Variants in GLMN observed in about 807,000 individuals in gnomAD.
GLMN encodes glomulin.
A neutral mutation model predicts 87.8 loss-of-function variants in GLMN; 75 were observed. That is an observed-to-expected ratio of 0.85 (90% CI 0.71 to 1.04). GLMN has a LOEUF of 1.04. Ranked by LOEUF, GLMN falls within the 50% of genes least tolerant of loss-of-function variation. GLMN has a pLI of 0.00. For missense variants in GLMN, 588 were observed against 658.8 expected (o/e 0.89, Z 1.18); for synonymous variants, 206 against 221.6 (o/e 0.93, Z 0.63).
At position 92,263,821 on chromosome 1, in the gene GLMN, T is replaced by C. The variant is rs1176456818; in HGVS notation, c.1300-89A>G. The C allele has an allele frequency of 5.1e-6, 4 of 779,656 alleles. No individual in the cohort carries two copies. In the Admixed American group the frequency reaches 5.2e-5, roughly 10 times the overall value. 48.3% of individuals were successfully genotyped at this position (779,656 alleles called of 1,614,324 possible). On this transcript the variant is annotated intron_variant, in intron 14 of 18. Coordinates refer to ENST00000370360, the MANE Select transcript of GLMN (RefSeq NM_053274.3). ...ACCTTGACACTACAAAAATGAAGAATTGCACATTTAAAATACAGTTTTTAA... is the reference window on the plus strand; with the variant it reads ...ACCTTGACACTACAAAAATGAAGAACTGCACATTTAAAATACAGTTTTTAA...
chr1:92,362,360 C>G, the GLMN span, among the ~76,000 whole-genome samples: 1 of 152,142 alleles, frequency 6.6e-6, no homozygotes, highest in Non-Finnish European at 1.5e-5. Flanking sequence ...AATTCAAATG[C>G]TTCCATTTTA....
intron 7 of GLMN, among the ~76,000 whole-genome samples, chr1:92,284,997 C>A (rs373677423): frequency 1.3e-5 from 2 of 152,064 alleles, no homozygotes; most frequent in African/African-American, 4.8e-5. Flanking sequence ...GAAATAGGAA[C>A]GCTTTTACAC....
chr1:92,331,184 T>C, the GLMN span, among the ~76,000 whole-genome samples: 3 of 152,344 alleles, frequency 2.0e-5, no homozygotes, highest in South Asian at 6.2e-4. Context: ...TTGAAACTCA[T>C]ATCACTATGG....
chr1:92,349,545 A>T, the GLMN span, among the ~76,000 whole-genome samples: 1 of 152,192 alleles, frequency 6.6e-6, no homozygotes. Context: ...GAATTTTCAC[A>T]CCTTTATTCT....
chr1:92,345,925 T>G, the GLMN span: 4 of 1,569,320 alleles, frequency 2.5e-6, no homozygotes, highest in Non-Finnish European at 3.5e-6. Context: ...GTAAGTACTC[T>G]CTCAGATTTT....
chr1:92,333,112 C>T, the GLMN span: 1 of 338,598 alleles, frequency 3.0e-6, no homozygotes, highest in East Asian at 5.1e-5. Flanking sequence ...TTTACAAAAT[C>T]TTTTTGTTTA....
intron 16 of GLMN, among the ~76,000 whole-genome samples, chr1:92,249,016 T>C (rs1259525204): frequency 2.0e-5 from 3 of 152,090 alleles, no homozygotes; most frequent in Admixed American, 6.6e-5. Context: ...AGTGAAACAT[T>C]AGAATTAAAA....
At chr1:92,333,211 A>C in the GLMN span, 2 of 550,762 alleles carry the variant, frequency 3.6e-6, no homozygotes, top group Non-Finnish European at 6.5e-6. Context: ...GACTCAAAGA[A>C]GTTCACAACA....
the GLMN span, among the ~76,000 whole-genome samples, chr1:92,305,734 C>T: frequency 6.6e-6 from 1 of 151,932 alleles, no homozygotes; most frequent in African/African-American, 2.4e-5. Context: ...TGAAAAGATG[C>T]TAAATATTAT....
At chr1:92,331,076 T>C in the GLMN span, among the ~76,000 whole-genome samples, 1 of 152,226 alleles carries the variant, frequency 6.6e-6, no homozygotes, top group Non-Finnish European at 1.5e-5. Flanking sequence ...CTCACCTTAA[T>C]TGTGGATTGA....
At chr1:92,279,453 T>C (rs1647697108) in intron 7 of GLMN, among the ~76,000 whole-genome samples, 4 of 66,882 alleles carry the variant, frequency 6.0e-5, no homozygotes, top group African/African-American at 1.6e-4. Context: ...CGAGACTCTG[T>C]CACAAAAAAA....
At chr1:92,332,865 A>C in the GLMN span, among the ~76,000 whole-genome samples, 1 of 152,120 alleles carries the variant, frequency 6.6e-6, no homozygotes, top group East Asian at 1.9e-4. Flanking sequence ...CTCAGACTGT[A>C]ATTCTTTATA....
At chr1:92,276,226 A>G (rs975955561) in intron 7 of GLMN, among the ~76,000 whole-genome samples, 3 of 152,012 alleles carry the variant, frequency 2.0e-5, no homozygotes, top group African/African-American at 7.2e-5. Flanking sequence ...ACCCTATCTC[A>G]AAAAATATAT....
chr1:92,276,704 A>G (rs917885888), intron 7 of GLMN, among the ~76,000 whole-genome samples: 3 of 152,240 alleles, frequency 2.0e-5, no homozygotes, highest in Non-Finnish European at 4.4e-5. Context: ...GTTAGGTGTC[A>G]TAATAGCCTG....
rs758016804 is a variant in GLMN, at chr1:92,246,594, C to T, written c.1721G>A (p.Arg574Gln). The T allele has an allele frequency of 5.0e-6, 8 of 1,598,804 alleles. No homozygotes were observed. The highest frequency in any genetic ancestry group is 2.2e-5 in the South Asian group (2 of 90,754). Reference sequence around the variant, plus strand: ...TTTTATTTCAATGAGTTCTTCCACTCGAGCTAGAACACTTTCAATCAAATC... The same window carrying T: ...TTTTATTTCAATGAGTTCTTCCACTTGAGCTAGAACACTTTCAATCAAATC... ...TFDLIESVLA[R>Q]VEELIEIKTK... The change falls in exon 19 of 19, where the codon CGA becomes CAA. Residue 574 changes from arginine (R) to glutamine (Q), a missense_variant. Coordinates refer to ENST00000370360, the MANE Select transcript of GLMN (RefSeq NM_053274.3).
intron 7 of GLMN, among the ~76,000 whole-genome samples, chr1:92,276,958 C>T (rs1220316272): frequency 6.6e-6 from 1 of 152,116 alleles, no homozygotes; most frequent in African/African-American, 2.4e-5. Context: ...TTTAAAGGCA[C>T]AAGACCCCCA....
the GLMN span, among the ~76,000 whole-genome samples, chr1:92,322,992 AAT>A: frequency 6.8e-6 from 1 of 146,474 alleles, no homozygotes; most frequent in South Asian, 2.1e-4. Context: ...TATATATGTA[AAT>A]ATGTGTACAT....
At position 92,253,405 on chromosome 1, in the gene GLMN, G is replaced by A. The variant is rs551039983; in HGVS notation, c.1474-5416C>T. On this transcript the variant is annotated intron_variant, in intron 16 of 18. Transcript: ENST00000370360. The stretch of plus-strand genomic sequence containing the variant: ...AGAGCAGCAGATCTCTCAGCACAGC[G>A]CTTGAGCTCTGCTAAGGGACAGACT... Among the ~76,000 whole-genome samples the A allele has an allele frequency of 8.5e-5, 13 of 152,324 alleles. No homozygotes were observed. In the South Asian group the frequency reaches 1.0e-3, roughly 12 times the overall value.
the GLMN span, among the ~76,000 whole-genome samples, chr1:92,305,529 A>G: frequency 2.4e-4 from 37 of 151,452 alleles, 1 homozygote; most frequent in Admixed American, 1.2e-3. Context: ...AAAGAGGAGA[A>G]ACTGATAAAC....
Sources: gnomAD v4.1 joint callset for allele counts (sites outside exome capture counted in the v4.1 genomes callset) on GRCh38, gnomAD v4.1.1 for gene constraint, MANE v1.5 for transcripts, NCBI Gene and HGNC (gene_info 2026-07-23, HGNC 2026-07-21) for gene names.